The following SLC45A2 variants were observed in gnomAD, a reference collection of about 807,000 sequenced individuals.
SLC45A2 encodes the protein membrane-associated transporter protein.
A neutral mutation model predicts 45.5 loss-of-function variants in SLC45A2; 36 were observed. The observed-to-expected ratio is 0.79, with a 90% CI of 0.61 to 1.04. The LOEUF (loss-of-function observed/expected upper bound fraction) is 1.04, where lower values mean the gene tolerates loss of function less well. Among genes scored for constraint, SLC45A2 ranks in the 50% least tolerant of loss-of-function variants. The probability of loss-of-function intolerance (pLI) is 0.00; values close to 1 mark genes in which losing one functional copy is unlikely to be tolerated. For missense variants in SLC45A2, 719 were observed against 671.0 expected (o/e 1.07, Z -0.79); for synonymous variants, 306 against 269.3 (o/e 1.14, Z -1.33).
At chr5:33,979,960 G>A (rs1179412172) in intron 2 of SLC45A2, among the ~76,000 whole-genome samples, 2 of 152,150 alleles carry the variant, frequency 1.3e-5, no homozygotes, top group African/African-American at 2.4e-5. Flanking sequence ...CAAAGCATGG[G>A]TCTTTTAGCC....
chr5:33,981,952 A>G (rs1423543407), intron 2 of SLC45A2, among the ~76,000 whole-genome samples: 1 of 152,240 alleles, frequency 6.6e-6, no homozygotes, highest in African/African-American at 2.4e-5. Context: ...GCTCTAATGC[A>G]AAAGTACAAT....
At chr5:33,978,353 T>G (rs1402027631) in intron 2 of SLC45A2, among the ~76,000 whole-genome samples, 1 of 152,176 alleles carries the variant, frequency 6.6e-6, no homozygotes, top group Non-Finnish European at 1.5e-5. Flanking sequence ...TTGATATATC[T>G]TGGAATGGCC....
intron 3 of SLC45A2, among the ~76,000 whole-genome samples, chr5:33,958,471 T>C (rs1297205277): frequency 1.3e-5 from 2 of 152,156 alleles, no homozygotes; most frequent in Non-Finnish European, 2.9e-5. Flanking sequence ...GATGCATTAC[T>C]CTGTGCTATA....
At chr5:33,962,616 T>C (rs1447047602) in intron 3 of SLC45A2, among the ~76,000 whole-genome samples, 1 of 152,208 alleles carries the variant, frequency 6.6e-6, no homozygotes, top group Non-Finnish European at 1.5e-5. Context: ...TCTAAGTAAC[T>C]TTACCTGAAT....
intron 4 of SLC45A2, among the ~76,000 whole-genome samples, chr5:33,952,458 G>A (rs1306505800): frequency 1.3e-5 from 2 of 151,192 alleles, no homozygotes; most frequent in Non-Finnish European, 2.9e-5. Flanking sequence ...GCATTTACGT[G>A]TCCTATTCTT....
intron 2 of SLC45A2, among the ~76,000 whole-genome samples, chr5:33,967,794 AC>A (rs1752643843): frequency 3.9e-4 from 1 of 2,538 alleles, no homozygotes; most frequent in African/African-American, 5.9e-4. Context: ...ACACACACAC[AC>A]ACACACACAC....
At chr5:33,950,748 C>A (rs1403319895) in intron 5 of SLC45A2, among the ~76,000 whole-genome samples, 1 of 152,200 alleles carries the variant, frequency 6.6e-6, no homozygotes, top group African/African-American at 2.4e-5. Context: ...AGCCCAGAGC[C>A]CTGAATTGGG....
At chr5:33,952,443 G>A (rs1303014420) in intron 4 of SLC45A2, among the ~76,000 whole-genome samples, 5 of 151,352 alleles carry the variant, frequency 3.3e-5, no homozygotes, top group Non-Finnish European at 7.4e-5. Flanking sequence ...TCAATTATGA[G>A]TGATGCATTT....
At chr5:33,977,879 A>C (rs1294319234) in intron 2 of SLC45A2, among the ~76,000 whole-genome samples, 2 of 152,194 alleles carry the variant, frequency 1.3e-5, no homozygotes, top group Non-Finnish European at 2.9e-5. Flanking sequence ...CATGAGGCAC[A>C]TAGGGAGCCA....
chr5:33,956,732 C>G (rs1164369851), intron 3 of SLC45A2, among the ~76,000 whole-genome samples: 1 of 152,090 alleles, frequency 6.6e-6, no homozygotes, highest in Admixed American at 6.5e-5. Context: ...GTTTCCTAAT[C>G]TTAAAAAATC....
chr5:33,960,707 A>G, intron 3 of SLC45A2, among the ~76,000 whole-genome samples: 1 of 152,168 alleles, frequency 6.6e-6, no homozygotes, highest in African/African-American at 2.4e-5. Flanking sequence ...AATCACCACT[A>G]AAGAACTTAC....
At position 33,944,852 on chromosome 5, in the gene SLC45A2, C is replaced by G. The variant is rs1302093545; in HGVS notation, c.1389G>C (p.Gly463=). 3 of 1,613,252 alleles carry G rather than the reference C, an allele frequency of 1.9e-6. No homozygotes were observed. The highest frequency in any genetic ancestry group is 2.5e-6 in the Non-Finnish European group (3 of 1,179,644). The change falls in exon 7 of 7, where the codon GGG becomes GGC. Residue 463 remains glycine (G), a synonymous_variant. Transcript: ENST00000296589. ...TCCCTCTCACGCTGTTGTCTGGGTC[C>G]CCTCCTGGGGCCTGCTGCCTCTGCA... ...EEKERQQAPG[G]DPDNSVRGKG...
rs939846084 is a variant in SLC45A2 at position 33,972,424 on chromosome 5, A to T, written c.563-8408T>A. Reference sequence around the variant, plus strand: ...TGAAAATCCATGCAAGTCCCCTTACAAAGTATGGTGAAATTAATTATGGAG... The same window carrying T: ...TGAAAATCCATGCAAGTCCCCTTACTAAGTATGGTGAAATTAATTATGGAG... On this transcript the variant is annotated intron_variant, in intron 2 of 6. Coordinates refer to ENST00000296589, the MANE Select transcript of SLC45A2 (RefSeq NM_016180.5). The T allele has an allele frequency of 7.5e-5, 26 of 347,000 alleles. No individual in the cohort carries two copies. In the Admixed American group the frequency reaches 8.9e-4, roughly 12 times the overall value. The allele number at this position is 347,000 out of a possible 1,614,324, so 21.5% of individuals were successfully genotyped here.
At position 33,982,382 on chromosome 5, in the gene SLC45A2, A is replaced by C. The variant is rs1753105183; in HGVS notation, c.416T>G (p.Val139Gly). 1.2e-6 allele frequency: 2 copies of C among 1,614,222 alleles called. No homozygotes were observed. The highest frequency in any genetic ancestry group is 1.7e-6 in the Non-Finnish European group (2 of 1,180,034). The part of the protein sequence containing the change: ...ALIANPRRKL[V>G]WAISVTMIGV... ...TATCATGGTGACACTTATGGCCCAA[A>C]CCAGCTTCCTCCTTGGGTTAGCAAT... Residue 139 changes from valine to glycine, a missense_variant, in exon 2 of 7, where the codon GTT becomes GGT. By Grantham distance (109) the Val-to-Gly change is moderately radical. Transcript: ENST00000296589.
At chr5:33,970,583 G>T (rs1752749511) in intron 2 of SLC45A2, among the ~76,000 whole-genome samples, 1 of 152,124 alleles carries the variant, frequency 6.6e-6, no homozygotes, top group African/African-American at 2.4e-5. Context: ...TGGTTGGTTG[G>T]TTGGTTGGTT....
At chr5:33,958,534 A>G (rs1235311332) in intron 3 of SLC45A2, among the ~76,000 whole-genome samples, 1 of 152,134 alleles carries the variant, frequency 6.6e-6, no homozygotes, top group Non-Finnish European at 1.5e-5. Flanking sequence ...TTATGTTTTT[A>G]GAGGTGGGGT....
At chr5:33,981,856 T>G (rs1221507006) in intron 2 of SLC45A2, among the ~76,000 whole-genome samples, 1 of 152,222 alleles carries the variant, frequency 6.6e-6, no homozygotes, top group Non-Finnish European at 1.5e-5. Context: ...TGAATCAGAA[T>G]AACTGGAGAA....
chr5:33,977,162 G>A lies in SLC45A2; in HGVS notation c.562+5074C>T, dbSNP rs112701847. On this transcript the variant is annotated intron_variant, in intron 2 of 6. Coordinates refer to ENST00000296589, the MANE Select transcript of SLC45A2 (RefSeq NM_016180.5). ...CCACATGAGGACACAGCAAGAAGGC[G>A]GCTGTCTGCCAGCCAGGAAGAGAGG... 9.6e-3 allele frequency among the ~76,000 whole-genome samples: 1,461 copies of A among 152,328 alleles called. 25 individuals carry two copies. The highest frequency in any genetic ancestry group is 0.033 in the African/African-American group (1,367 of 41,576).
rs142963138 is a variant in SLC45A2, at chr5:33,969,911, G to A, written c.563-5895C>T. Among the ~76,000 whole-genome samples, 602 of 152,320 alleles carry A rather than the reference G, an allele frequency of 4.0e-3. 3 individuals are homozygous for A. Among genetic ancestry groups the A allele is most frequent in the Non-Finnish European group, 6.6e-3 (450 of 68,020 alleles). On this transcript the variant is annotated intron_variant, in intron 2 of 6. Coordinates refer to ENST00000296589, the MANE Select transcript of SLC45A2 (RefSeq NM_016180.5). ...AGGAGGTCAGGCATTAATTGGCCTC[G>A]TTCTGGAGCCATTTATGGCTGTCTT...
Sources: allele counts gnomAD v4.1 joint callset (sites outside exome capture counted in the v4.1 genomes callset), GRCh38; gene constraint gnomAD v4.1.1; transcripts MANE v1.5; gene names NCBI Gene and HGNC (gene_info 2026-07-23, HGNC 2026-07-21).